The following LIPA variants were observed in gnomAD, a reference collection of about 807,000 sequenced individuals.
LIPA encodes lysosomal acid lipase/cholesteryl ester hydrolase.
In LIPA, 26 loss-of-function variants were observed where a neutral mutation model predicts 40.6. The ratio of observed to expected loss-of-function variants is 0.64; its 90% CI spans 0.47 to 0.89. The LOEUF (loss-of-function observed/expected upper bound fraction) is 0.89. Among genes scored for constraint, LIPA ranks in the 40% least tolerant of loss-of-function variants. LIPA has a pLI of 0.00. For missense variants in LIPA, 455 were observed against 479.6 expected, an observed-to-expected ratio of 0.95 and a Z score of 0.48; for synonymous variants, 188 against 168.4, an observed-to-expected ratio of 1.12 and a Z score of -0.90.
intron 2 of LIPA, among the ~76,000 whole-genome samples, chr10:89,372,153 G>A (rs375631679): frequency 3.3e-5 from 5 of 152,194 alleles, no homozygotes; most frequent in African/African-American, 4.8e-5. Context: ...CAGTTTCACC[G>A]TTGCACATTC....
intron 2 of LIPA, among the ~76,000 whole-genome samples, chr10:89,364,789 A>G (rs571372037): frequency 4.6e-5 from 7 of 152,102 alleles, no homozygotes; most frequent in Non-Finnish European, 1.0e-4. Context: ...GGTAGTGTGT[A>G]ATATACTCTT....
intron 2 of LIPA, among the ~76,000 whole-genome samples, chr10:89,410,578 C>T (rs887764441): frequency 1.3e-5 from 2 of 152,192 alleles, no homozygotes; most frequent in African/African-American, 2.4e-5. Context: ...GGGACCAGCA[C>T]CCAGTTAGGA....
chr10:89,248,264 C>T (rs1217174054), intron 1 of LIPA, among the ~76,000 whole-genome samples: 1 of 150,510 alleles, frequency 6.6e-6, no homozygotes, highest in Non-Finnish European at 1.5e-5. Flanking sequence ...CAGGTTCAAG[C>T]GGTTCTCCTG....
At chr10:89,264,158 A>AG (rs570062881) in intron 1 of LIPA, among the ~76,000 whole-genome samples, 15 of 152,188 alleles carry the variant, frequency 9.9e-5, no homozygotes, top group Admixed American at 4.6e-4. Flanking sequence ...CATGGCAAGC[A>AG]GGGGGGGTGG....
intron 1 of LIPA, among the ~76,000 whole-genome samples, chr10:89,299,022 T>TA (rs1431960857): frequency 2.7e-5 from 4 of 150,874 alleles, no homozygotes; most frequent in African/African-American, 9.7e-5. Context: ...TATGTATATA[T>TA]AAAAAATACT....
At chr10:89,245,640 G>T (rs1843013361) in intron 3 of LIPA, 36 bp downstream of exon 3, 1 of 1,045,964 alleles carries the variant, frequency 9.6e-7, no homozygotes, top group South Asian at 1.3e-5. Flanking sequence ...AAACCCAGAA[G>T]AATTCTGGTT....
rs1375817387 is a variant in LIPA, at chr10:89,279,557, C to A, written c.-1-31908G>T. ...GCAGGAGCCAAGTTCCTGTCATGAC[C>A]CTTGATTGGAGACCAGGGCTTCGAG... On this transcript the variant is annotated intron_variant, in intron 1 of 5. Transcript: ENST00000282673. Among the ~76,000 whole-genome samples, 4 of 152,146 alleles carry A rather than the reference C, an allele frequency of 2.6e-5. No homozygotes were observed. In the East Asian group the frequency reaches 7.7e-4, roughly 29 times the overall value.
intron 2 of LIPA, among the ~76,000 whole-genome samples, chr10:89,354,560 G>A (rs1843979377): frequency 6.6e-6 from 1 of 152,132 alleles, no homozygotes; most frequent in East Asian, 1.9e-4. Context: ...TAAGTTAGAA[G>A]TTTTGTTCTT....
intron 2 of LIPA, among the ~76,000 whole-genome samples, chr10:89,360,311 A>G (rs1844014360): frequency 6.6e-6 from 1 of 152,140 alleles, no homozygotes; most frequent in African/African-American, 2.4e-5. Context: ...GGGAGGACAC[A>G]CCCATAATCA....
At chr10:89,291,511 C>T (rs1337075902) in intron 1 of LIPA, among the ~76,000 whole-genome samples, 1 of 152,108 alleles carries the variant, frequency 6.6e-6, no homozygotes, top group Non-Finnish European at 1.5e-5. Flanking sequence ...ATACATGATA[C>T]CATGATACAC....
At chr10:89,294,605 C>A (rs1016843720) in intron 1 of LIPA, among the ~76,000 whole-genome samples, 1 of 152,206 alleles carries the variant, frequency 6.6e-6, no homozygotes, top group African/African-American at 2.4e-5. Flanking sequence ...AAGTTTCCAA[C>A]ACATGAACTT....
upstream of LIPA, among the ~76,000 whole-genome samples, chr10:89,255,907 T>C (rs937731022): frequency 6.6e-6 from 1 of 151,976 alleles, no homozygotes; most frequent in Non-Finnish European, 1.5e-5. Context: ...ACAAACAGGG[T>C]TTGGGTGGCA....
At chr10:89,306,448 T>C (rs767736746) in intron 1 of LIPA, 1 of 1,614,014 alleles carries the variant, frequency 6.2e-7, no homozygotes, top group Non-Finnish European at 8.5e-7. Flanking sequence ...TTGAGAAGGC[T>C]CTGGAAAAGA....
chr10:89,264,774 CT>C (rs1471606589), intron 1 of LIPA, among the ~76,000 whole-genome samples: 1 of 152,224 alleles, frequency 6.6e-6, no homozygotes, highest in East Asian at 1.9e-4. Flanking sequence ...TCACTCTGGG[CT>C]GTGGACACCA....
chr10:89,388,031 G>A (rs1420496995), intron 2 of LIPA, among the ~76,000 whole-genome samples: 1 of 152,184 alleles, frequency 6.6e-6, no homozygotes, highest in Admixed American at 6.5e-5. Flanking sequence ...AGGATTCCAA[G>A]TGATTTTTAA....
intron 2 of LIPA, among the ~76,000 whole-genome samples, chr10:89,360,440 A>G (rs1844015471): frequency 6.6e-6 from 1 of 152,228 alleles, no homozygotes. Flanking sequence ...TTGGCTCACC[A>G]AGATAAGTGT....
intron 1 of LIPA, among the ~76,000 whole-genome samples, chr10:89,248,865 C>T (rs1843074772): frequency 1.3e-5 from 2 of 152,176 alleles, no homozygotes; most frequent in East Asian, 1.9e-4. Flanking sequence ...ACCCATTCAC[C>T]TCCTAACCCC....
At chr10:89,215,166 T>A in intron 9 of LIPA, 105 bp from the exon 10 acceptor site, 1 of 855,816 alleles carries the variant, frequency 1.2e-6, no homozygotes, top group Non-Finnish European at 2.0e-6. Context: ...TAAGTTTGAC[T>A]AACAGACTAA....
chr10:89,334,459 T>A (rs1303552834), intron 1 of LIPA, among the ~76,000 whole-genome samples: 1 of 149,744 alleles, frequency 6.7e-6, no homozygotes, highest in Non-Finnish European at 1.5e-5. Flanking sequence ...ATTCTGTTTT[T>A]TCTTCTTTTT....
Sources: gnomAD v4.1 joint callset for allele counts (sites outside exome capture counted in the v4.1 genomes callset) on GRCh38, gnomAD v4.1.1 for gene constraint, MANE v1.5 for transcripts, NCBI Gene and HGNC (gene_info 2026-07-23, HGNC 2026-07-21) for gene names.